The following EYA4 variants were observed in gnomAD, a reference collection of about 807,000 sequenced individuals.
EYA4 encodes EYA transcriptional coactivator and phosphatase 4.
A neutral mutation model predicts 87.9 loss-of-function variants in EYA4; 31 were observed. The ratio of observed to expected loss-of-function variants is 0.35; its 90% CI spans 0.27 to 0.48. EYA4 has a LOEUF of 0.48. Among genes scored for constraint, EYA4 ranks in the 20% least tolerant of loss-of-function variants. EYA4 has a pLI of 0.99. For missense variants in EYA4, 678 were observed against 761.4 expected, an observed-to-expected ratio of 0.89 and a Z score of 1.29; for synonymous variants, 263 against 270.6, an observed-to-expected ratio of 0.97 and a Z score of 0.28.
At chr6:133,456,395 A>T (rs1034948667) in intron 5 of EYA4, 161 bp from the exon 6 acceptor site, 8 of 662,072 alleles carry the variant, frequency 1.2e-5, no homozygotes, top group Non-Finnish European at 2.2e-5. Flanking sequence ...AATCCTCTAA[A>T]TGCATGCCCG....
At chr6:133,299,929 ATCTATCTATCTATCTATC>A (rs1779250453) in intron 2 of EYA4, among the ~76,000 whole-genome samples, 1 of 76,752 alleles carries the variant, frequency 1.3e-5, no homozygotes, top group Admixed American at 1.5e-4. Context: ...AAAGATCTCT[ATCTATCTATCTATCTATC>A]TATCTATCTA....
chr6:133,296,506 A>G lies in EYA4; in HGVS notation c.33+21693A>G, dbSNP rs373680499. Reference sequence around the variant, plus strand: ...TTGGGTTGTACTTGTGGAAGTAATGAGGAGTGGTAGAATTCTGGATCTATT... The same window carrying G: ...TTGGGTTGTACTTGTGGAAGTAATGGGGAGTGGTAGAATTCTGGATCTATT... On this transcript the variant is annotated intron_variant, in intron 2 of 19. Transcript: ENST00000355286. Among the ~76,000 whole-genome samples, 7 of 152,132 alleles carry G rather than the reference A, an allele frequency of 4.6e-5. No homozygotes were observed. The East Asian group carries it at 5.8e-4, about 13-fold the overall frequency.
intron 2 of EYA4, among the ~76,000 whole-genome samples, chr6:133,377,456 G>A (rs1270163874): frequency 6.6e-6 from 1 of 151,732 alleles, no homozygotes; most frequent in Non-Finnish European, 1.5e-5. Flanking sequence ...CTCTGTGGCT[G>A]GAACACTGCC....
chr6:133,267,024 T>C (rs1482205142), intron 1 of EYA4, among the ~76,000 whole-genome samples: 2 of 152,148 alleles, frequency 1.3e-5, no homozygotes, highest in Non-Finnish European at 2.9e-5. Context: ...AGAGATTATT[T>C]TGGCATGAAA....
chr6:133,444,699 T>C lies in EYA4; in HGVS notation c.84-1931T>C, dbSNP rs150085178. 5.4e-3 allele frequency among the ~76,000 whole-genome samples: 823 copies of C among 152,024 alleles called. 6 individuals are homozygous for C. Among genetic ancestry groups the C allele is most frequent in the African/African-American group, 0.019 (803 of 41,440 alleles). Reference sequence around the variant, plus strand: ...AGAAAGAGTGTGCTCTTGGGCACAGTGACCCCGTTTAGTTGAGGGCAAGTT... The same window carrying C: ...AGAAAGAGTGTGCTCTTGGGCACAGCGACCCCGTTTAGTTGAGGGCAAGTT... On this transcript the variant is annotated intron_variant, in intron 3 of 19. Transcript: ENST00000355286.
At chr6:133,432,655 A>G (rs1028086931) in intron 3 of EYA4, among the ~76,000 whole-genome samples, 12 of 152,020 alleles carry the variant, frequency 7.9e-5, no homozygotes, top group South Asian at 2.1e-4. Context: ...GGGACAGACA[A>G]ATATACTCTG....
At chr6:133,508,840 G>A (rs1315236708) in intron 14 of EYA4, among the ~76,000 whole-genome samples, 1 of 152,088 alleles carries the variant, frequency 6.6e-6, no homozygotes, top group African/African-American at 2.4e-5. Flanking sequence ...CAGGATCTTT[G>A]GTAGAAGTAG....
At chr6:133,436,405 T>G (rs1426376211) in intron 3 of EYA4, among the ~76,000 whole-genome samples, 1 of 152,138 alleles carries the variant, frequency 6.6e-6, no homozygotes, top group Non-Finnish European at 1.5e-5. Context: ...TAGACTACAT[T>G]TGATTCCATG....
chr6:133,480,950 GA>G (rs1464445421), intron 11 of EYA4, among the ~76,000 whole-genome samples: 2 of 151,932 alleles, frequency 1.3e-5, no homozygotes, highest in East Asian at 3.9e-4. Context: ...AGGTGGAAGG[GA>G]AAATGGGAGA....
At chr6:133,242,887 G>C (rs1582717733) in intron 1 of EYA4, among the ~76,000 whole-genome samples, 1 of 152,276 alleles carries the variant, frequency 6.6e-6, no homozygotes, top group East Asian at 1.9e-4. Context: ...GTGTGTGCGG[G>C]AGAGTGGTGT....
intron 2 of EYA4, among the ~76,000 whole-genome samples, chr6:133,332,542 T>C (rs919805411): frequency 2.2e-4 from 34 of 152,168 alleles, no homozygotes; most frequent in Non-Finnish European, 3.2e-4. Flanking sequence ...ACTTTGAGGC[T>C]TTCTTTTTTT....
rs1363489869 is a variant in EYA4 at position 133,529,929 on chromosome 6, T to C, written c.*1124T>C. The C allele has an allele frequency of 2.0e-6, 2 of 985,190 alleles. No homozygotes were observed. The highest frequency in any genetic ancestry group is 1.7e-5 in the African/African-American group (1 of 57,206). The allele number at this position is 985,190 out of a possible 1,614,324, so 61.0% of individuals were successfully genotyped here. A position where few individuals can be genotyped will look rare whatever the true frequency, so the allele number is the denominator to read the frequency against. On this transcript the variant is annotated 3_prime_UTR_variant, in exon 20 of 20. Transcript: ENST00000355286. ...ATATTATCATGCAAATCATGAGCAA[T>C]TATCACATAAACTTTTTTAGAATGT...
intron 19 of EYA4, chr6:133,525,843 G>A (rs1341999019): frequency 6.5e-6 from 6 of 928,444 alleles, no homozygotes; most frequent in Non-Finnish European, 7.7e-6. Flanking sequence ...ATTTTAATAA[G>A]TGCTACTGAA....
chr6:133,372,339 C>T (rs1450211990), intron 2 of EYA4, among the ~76,000 whole-genome samples: 2 of 151,842 alleles, frequency 1.3e-5, no homozygotes, highest in Non-Finnish European at 2.9e-5. Context: ...ATATAATTTG[C>T]ATTCTTGGTG....
intron 13 of EYA4, among the ~76,000 whole-genome samples, chr6:133,494,798 C>T (rs1207376440): frequency 2.0e-5 from 3 of 151,122 alleles, no homozygotes; most frequent in African/African-American, 7.3e-5. Flanking sequence ...CTGCAGTGAG[C>T]CATGTTCACA....
intron 12 of EYA4, 93 bp from the exon 13 acceptor site, chr6:133,482,939 A>T (rs1796344019): frequency 1.9e-6 from 2 of 1,034,274 alleles, no homozygotes. Flanking sequence ...TGATATCAAG[A>T]TGATCTCTAG....
Position 133,529,943 on chromosome 6 carries a change from T to A in EYA4, c.*1138T>A. The A allele has an allele frequency of 1.0e-6, 1 of 984,132 alleles. No homozygotes were observed. The highest frequency in any genetic ancestry group is 1.2e-6 in the Non-Finnish European group (1 of 829,904). The allele number at this position is 984,132 out of a possible 1,614,324, so 61.0% of individuals were successfully genotyped here. ...ATCATGAGCAATTATCACATAAACT[T>A]TTTTAGAATGTGCCATGAACATGGC... On this transcript the variant is annotated 3_prime_UTR_variant, in exon 20 of 20. Transcript: ENST00000355286.
At chr6:133,308,002 T>A (rs1779938195) in intron 2 of EYA4, among the ~76,000 whole-genome samples, 1 of 152,080 alleles carries the variant, frequency 6.6e-6, no homozygotes, top group South Asian at 2.1e-4. Context: ...GATCTGATGG[T>A]TTTTATAAAG....
intron 3 of EYA4, among the ~76,000 whole-genome samples, chr6:133,427,423 A>G (rs1790769098): frequency 6.6e-6 from 1 of 152,216 alleles, no homozygotes; most frequent in Non-Finnish European, 1.5e-5. Flanking sequence ...AAGTGGATAA[A>G]TGGAGCATGA....
Sources: allele counts gnomAD v4.1 joint callset (sites outside exome capture counted in the v4.1 genomes callset), GRCh38; gene constraint gnomAD v4.1.1; transcripts MANE v1.5; gene names NCBI Gene and HGNC (gene_info 2026-07-23, HGNC 2026-07-21).